DNMT1: variants seen among roughly 807,000 people sequenced by gnomAD.
DNMT1 encodes DNA (cytosine-5)-methyltransferase 1.
A neutral mutation model predicts 205.3 loss-of-function variants in DNMT1; 24 were observed. That is an observed-to-expected ratio of 0.12 (90% CI 0.08 to 0.16). The LOEUF is 0.16. Among genes scored for constraint, DNMT1 ranks in the 10% least tolerant of loss-of-function variants. DNMT1 has a pLI of 1.00. For synonymous variants in DNMT1, 817 were observed against 839.8 expected (o/e 0.97, Z 0.47); for missense variants, 1,293 against 2,177.7 (o/e 0.59, Z 8.09).
chr19:10,172,952 T>C (rs2038851532), intron 9 of DNMT1, 138 bp downstream of exon 9: 1 of 987,244 alleles, frequency 1.0e-6, no homozygotes, highest in Non-Finnish European at 1.6e-6. Flanking sequence ...TTAGCCAAAG[T>C]CAAAGGCATT....
chr19:10,187,829 CCT>C (rs1161845281), intron 1 of DNMT1, among the ~76,000 whole-genome samples: 2 of 151,762 alleles, frequency 1.3e-5, no homozygotes, highest in Non-Finnish European at 2.9e-5. Flanking sequence ...ACAGCGAGAC[CCT>C]GTCTCTACAA....
At chr19:10,171,883 T>C (rs2038826043) in intron 9 of DNMT1, among the ~76,000 whole-genome samples, 1 of 151,782 alleles carries the variant, frequency 6.6e-6, no homozygotes. Flanking sequence ...GGCAGGCGCC[T>C]GTAGCCCCAG....
At chr19:10,182,132 G>C in intron 1 of DNMT1, 55 bp from the exon 2 acceptor site, 1 of 1,553,402 alleles carries the variant, frequency 6.4e-7, no homozygotes, top group Non-Finnish European at 8.9e-7. Context: ...AACTTCATTT[G>C]CCTGTAAGAA....
chr19:10,140,528 C>A lies in DNMT1; in HGVS notation c.3524-200G>T. The A allele has an allele frequency of 1.1e-6, 1 of 914,000 alleles. No homozygotes were observed. The highest frequency in any genetic ancestry group is 1.6e-5 in the South Asian group (1 of 61,462). 56.6% of individuals were successfully genotyped at this position (914,000 alleles called of 1,614,324 possible). The stretch of plus-strand genomic sequence containing the variant: ...GGGACTACAGGCACACACCACCACG[C>A]CCAGCTAATTTTTGTATTCTTATTA... On this transcript the variant is annotated intron_variant, in intron 32 of 40. Transcript: ENST00000359526. This position sits in a 1 kb window ranked among gnomAD's most constrained non-coding sequence, Gnocchi z 8.4.
rs533785145 is a variant in DNMT1, at chr19:10,136,385, T to C, written c.4490-98A>G. The C allele has an allele frequency of 7.2e-6, 11 of 1,523,776 alleles. No homozygotes were observed. The South Asian group carries it at 9.4e-5, about 13-fold the overall frequency. The allele number at this position is 1,523,776 out of a possible 1,614,324, so 94.4% of individuals were successfully genotyped here. ...TTTGGGAGGCAGAGATGGCACCTCC[T>C]GTGCAAGGGGCCCCCTGGGGTGGAG... On this transcript the variant is annotated intron_variant, in intron 37 of 40. Transcript: ENST00000359526.
intron 11 of DNMT1, among the ~76,000 whole-genome samples, chr19:10,164,113 A>T (rs1268126612): frequency 6.6e-6 from 1 of 152,164 alleles, no homozygotes; most frequent in African/African-American, 2.4e-5. Context: ...GTGGTTTAAT[A>T]CAAAAAGCAG....
intron 5 of DNMT1, chr19:10,178,672 T>C (rs993362162): frequency 1.3e-5 from 2 of 152,370 alleles, no homozygotes; most frequent in Non-Finnish European, 2.9e-5. Flanking sequence ...GAGAATGGCA[T>C]GAACCTGGGA....
At chr19:10,191,896 C>T (rs927432979) in intron 1 of DNMT1, among the ~76,000 whole-genome samples, 1 of 151,650 alleles carries the variant, frequency 6.6e-6, no homozygotes, top group African/African-American at 2.4e-5. Context: ...TGGAGTGCAA[C>T]GGTGCAATCT....
Position 10,138,156 on chromosome 19 carries a change from G to A in DNMT1, c.4116-147C>T. ...CACATGGGTGGCAGTGTGCCTGGATGCCATCTGGAAGGGGGGATGGGGCTA... is the reference window on the plus strand; with the variant it reads ...CACATGGGTGGCAGTGTGCCTGGATACCATCTGGAAGGGGGGATGGGGCTA... On this transcript the variant is annotated intron_variant, in intron 35 of 40. Coordinates refer to ENST00000359526, the MANE Select transcript of DNMT1 (RefSeq NM_001130823.3). This position sits in a 1 kb window ranked among gnomAD's most constrained non-coding sequence, Gnocchi z 4.1. 2 of 1,148,520 alleles carry A rather than the reference G, an allele frequency of 1.7e-6. No individual in the cohort carries two copies. Among genetic ancestry groups the A allele is most frequent in the South Asian group, 2.7e-5 (2 of 73,266 alleles). The allele number at this position is 1,148,520 out of a possible 1,614,324, so 71.1% of individuals were successfully genotyped here.
At chr19:10,139,989 G>A in intron 33 of DNMT1, 57 bp downstream of exon 33, 1 of 1,601,502 alleles carries the variant, frequency 6.2e-7, no homozygotes, top group East Asian at 2.2e-5. Context: ...GACCACTGCT[G>A]ACATGCGGCA....
chr19:10,166,373 C>CA (rs1568243131), intron 11 of DNMT1, among the ~76,000 whole-genome samples: 2 of 152,130 alleles, frequency 1.3e-5, no homozygotes, highest in African/African-American at 4.8e-5. Flanking sequence ...GTGTGAAAGA[C>CA]AGAGGACAAC....
At position 10,143,243 on chromosome 19, in the gene DNMT1, G is replaced by C. The variant is rs530423811; in HGVS notation, c.3116+523C>G. ...TACCCGTTTTTTCTTTTGAGACGGG[G>C]TCTGGCTGTCACCCAGGCCGGAGTG... On this transcript the variant is annotated intron_variant, in intron 29 of 40. Coordinates refer to ENST00000359526, the MANE Select transcript of DNMT1 (RefSeq NM_001130823.3). Among the ~76,000 whole-genome samples, 15 of 152,304 alleles carry C rather than the reference G, an allele frequency of 9.8e-5. 1 individual carries two copies. The South Asian group carries it at 2.1e-3, about 21-fold the overall frequency.
intron 11 of DNMT1, among the ~76,000 whole-genome samples, chr19:10,164,858 G>A (rs2038650738): frequency 1.5e-5 from 2 of 133,728 alleles, no homozygotes; most frequent in South Asian, 5.0e-4. Flanking sequence ...AACCTGGGAG[G>A]TGGAGGTTGC....
At chr19:10,172,607 C>T (rs936110156) in intron 9 of DNMT1, among the ~76,000 whole-genome samples, 12 of 151,764 alleles carry the variant, frequency 7.9e-5, no homozygotes, top group African/African-American at 2.9e-4. Context: ...GTGGATCACT[C>T]GAGGTCAGGA....
intron 13 of DNMT1, among the ~76,000 whole-genome samples, chr19:10,161,321 GTAAATAAATAAATAAA>G (rs112691763): frequency 1.9e-4 from 28 of 146,682 alleles, no homozygotes; most frequent in African/African-American, 3.2e-4. Context: ...AAATACATAA[GTAAATAAATAAATAAA>G]TAAATAAATA....
Position 10,138,681 on chromosome 19 carries a change from G to A in DNMT1, c.3949-76C>T. ...TGGACTGGCCAGACCCAGGCCCAGG[G>A]TCAGCAGCCTGAGTCGGGAGTGGCT... On this transcript the variant is annotated intron_variant, in intron 34 of 40. Coordinates refer to ENST00000359526, the MANE Select transcript of DNMT1 (RefSeq NM_001130823.3). This position sits in a 1 kb window ranked among gnomAD's most constrained non-coding sequence, Gnocchi z 4.1. 3.9e-6 allele frequency: 6 copies of A among 1,538,416 alleles called. No individual in the cohort carries two copies. Among genetic ancestry groups the A allele is most frequent in the Non-Finnish European group, 4.4e-6 (5 of 1,145,888 alleles).
At position 10,177,229 on chromosome 19, in the gene DNMT1, C is replaced by A. The variant is rs575656909; in HGVS notation, c.569+63G>T. On this transcript the variant is annotated intron_variant, in intron 6 of 40. Coordinates refer to ENST00000359526, the MANE Select transcript of DNMT1 (RefSeq NM_001130823.3). ...GACAGAATTGCCACGTGACGCCCTA[C>A]CAATTCCATCCCAAAACAGCCGGCC... 3.7e-5 allele frequency: 55 copies of A among 1,479,978 alleles called. No individual in the cohort carries two copies. The East Asian group carries it at 7.5e-4, about 20-fold the overall frequency. 91.7% of individuals were successfully genotyped at this position (1,479,978 alleles called of 1,614,324 possible).
At position 10,154,916 on chromosome 19, in the gene DNMT1, T is replaced by C; in HGVS notation, c.1633A>G (p.Asn545Asp). The C allele has an allele frequency of 6.2e-7, 1 of 1,614,238 alleles. No individual in the cohort carries two copies. Among genetic ancestry groups the C allele is most frequent in the Non-Finnish European group, 8.5e-7 (1 of 1,180,036 alleles). ...CCTCGATCTCTTACCTCGATCTTGT[T>C]GATCAGGTCCTCATAGGTCGAGTCG... ...NSDSTYEDLINKIETTVPPSG... is the reference protein window; with the variant it reads ...NSDSTYEDLIDKIETTVPPSG... Residue 545 changes from asparagine (N) to aspartate (D), a missense_variant, in exon 20 of 41, where the codon AAC becomes GAC. Asn to Asp is a conservative substitution (Grantham distance 23, BLOSUM62 1). Transcript: ENST00000359526. This position sits in a 1 kb window ranked among gnomAD's most constrained non-coding sequence, Gnocchi z 6.3.
chr19:10,164,526 TCAC>T (rs1324211724), intron 11 of DNMT1, among the ~76,000 whole-genome samples: 1 of 151,962 alleles, frequency 6.6e-6, no homozygotes. Context: ...GGTGGGAGGA[TCAC>T]TTGAACCCAG....
Sources: gnomAD v4.1 joint callset for allele counts (sites outside exome capture counted in the v4.1 genomes callset) on GRCh38, gnomAD v4.1.1 for gene constraint, Gnocchi (gnomAD v3.1) non-coding constraint, MANE v1.5 for transcripts, NCBI Gene and HGNC (gene_info 2026-07-23, HGNC 2026-07-21) for gene names.